COL4A2: variants seen among roughly 807,000 people sequenced by gnomAD.
COL4A2 encodes the protein collagen alpha-2(IV) chain.
In COL4A2, 99 loss-of-function variants were observed where a neutral mutation model predicts 200.2. The observed-to-expected ratio is 0.49, with a 90% CI of 0.42 to 0.58. The LOEUF (loss-of-function observed/expected upper bound fraction) is 0.58. COL4A2 is among the 20% of genes least tolerant of loss of function. The probability of loss-of-function intolerance (pLI) is 0.00; values close to 1 mark genes in which losing one functional copy is unlikely to be tolerated. For synonymous variants in COL4A2, 897 were observed against 900.6 expected, an observed-to-expected ratio of 1.00 and a Z score of 0.07; for missense variants, 1,950 against 2,314.1, an observed-to-expected ratio of 0.84 and a Z score of 3.23.
At chr13:110,400,837 T>C (rs1409310666) in intron 4 of COL4A2, among the ~76,000 whole-genome samples, 1 of 152,216 alleles carries the variant, frequency 6.6e-6, no homozygotes, top group Non-Finnish European at 1.5e-5. Flanking sequence ...TTGACTACTT[T>C]GGCCAGCCTT....
At chr13:110,457,790 G>T in intron 21 of COL4A2, 1 of 483,718 alleles carries the variant, frequency 2.1e-6, no homozygotes, top group South Asian at 1.5e-5. Flanking sequence ...CAGCTCCAAG[G>T]CATTGTAACA....
chr13:110,450,557 C>T lies in COL4A2; in HGVS notation c.1339+103C>T, dbSNP rs140327709. 6.1e-4 allele frequency: 841 copies of T among 1,373,708 alleles called. 14 individuals carry two copies. In the East Asian group the frequency reaches 0.014, roughly 23 times the overall value. The allele number at this position is 1,373,708 out of a possible 1,614,324, so 85.1% of individuals were successfully genotyped here. On this transcript the variant is annotated intron_variant, in intron 20 of 47. Transcript: ENST00000360467. ...ATTCTCTGCTAAATGACTCTGGGAA[C>T]GAATCCAGTAGGCCAGTGATTAGGG...
chr13:110,363,046 G>C (rs1007800981), intron 4 of COL4A2, among the ~76,000 whole-genome samples: 2 of 152,184 alleles, frequency 1.3e-5, no homozygotes, highest in African/African-American at 2.4e-5. Context: ...CCAGAAACTG[G>C]TAAATATGAA....
Position 110,308,091 on chromosome 13 carries a change from A to G in COL4A2, c.67A>G (p.Thr23Ala), listed in dbSNP as rs1043009281. 1 of 1,613,754 alleles carries G rather than the reference A, an allele frequency of 6.2e-7. No homozygotes were observed. The highest frequency in any genetic ancestry group is 1.3e-5 in the African/African-American group (1 of 75,006). ...LRRWLLLGTV[T>A]VGFLAQSVLA... Reference sequence around the variant, plus strand: ...CAGGTGGCTGCTGCTGGGGACAGTGACCGTGGGGTTCCTCGCCCAGAGCGT... The same window carrying G: ...CAGGTGGCTGCTGCTGGGGACAGTGGCCGTGGGGTTCCTCGCCCAGAGCGT... Residue 23 changes from threonine (T) to alanine (A), a missense_variant, in exon 3 of 48, where the codon ACC (threonine) becomes GCC (alanine). Physicochemically the swap from Thr to Ala is moderately conservative, Grantham distance 58. This residue lies in a region of COL4A2 where 565 missense variants were observed against 593.5 expected (regional missense o/e 0.95). Transcript: ENST00000360467.
At chr13:110,403,121 C>T (rs929365802) in intron 4 of COL4A2, among the ~76,000 whole-genome samples, 1 of 152,188 alleles carries the variant, frequency 6.6e-6, no homozygotes, top group Non-Finnish European at 1.5e-5. Context: ...TGATTAGCAG[C>T]ATCTGGCTTC....
At chr13:110,402,751 G>A (rs1384488461) in intron 4 of COL4A2, among the ~76,000 whole-genome samples, 1 of 152,234 alleles carries the variant, frequency 6.6e-6, no homozygotes, top group Non-Finnish European at 1.5e-5. Context: ...GCCCTTGTGG[G>A]GCCTCTGTTG....
chr13:110,409,865 T>G (rs1879761130), intron 4 of COL4A2, among the ~76,000 whole-genome samples: 1 of 152,136 alleles, frequency 6.6e-6, no homozygotes, highest in African/African-American at 2.4e-5. Flanking sequence ...GTGCAGGATG[T>G]CCAGATAGCA....
chr13:110,438,047 G>A lies in COL4A2; in HGVS notation c.861+10G>A. 6.2e-7 allele frequency: 1 copy of A among 1,612,436 alleles called. No individual in the cohort carries two copies. Among genetic ancestry groups the A allele is most frequent in the Non-Finnish European group, 8.5e-7 (1 of 1,178,684 alleles). ...GGAACCAGGAATAAGAGTAAGTCGAGTAATGAGCATGCCCCCTCCCCTGTG... is the reference window on the plus strand; with the variant it reads ...GGAACCAGGAATAAGAGTAAGTCGAATAATGAGCATGCCCCCTCCCCTGTG... On this transcript the variant is annotated intron_variant, in intron 14 of 47. Transcript: ENST00000360467.
intron 4 of COL4A2, among the ~76,000 whole-genome samples, chr13:110,406,537 TC>T (rs1236133725): frequency 6.6e-6 from 1 of 152,156 alleles, no homozygotes; most frequent in African/African-American, 2.4e-5. Context: ...CTAGAGCACA[TC>T]CCAGGAGAAG....
intron 3 of COL4A2, chr13:110,341,076 A>G (rs1876429810): frequency 6.6e-6 from 1 of 152,436 alleles, no homozygotes; most frequent in Non-Finnish European, 1.5e-5. Context: ...TGGGGGTGAC[A>G]GGAAGCACTG....
intron 21 of COL4A2, among the ~76,000 whole-genome samples, chr13:110,458,491 T>A (rs1197994944): frequency 6.6e-6 from 1 of 152,210 alleles, no homozygotes; most frequent in Admixed American, 6.5e-5. Flanking sequence ...TCCCCGCAAC[T>A]CAACCTATGC....
chr13:110,364,568 C>T lies in COL4A2; in HGVS notation c.180+7016C>T, dbSNP rs540070503. ...CCACTTCAAGAGAATGGTTAAATCT[C>T]GCTGGAAAGAAAGAGCCACATTATG... On this transcript the variant is annotated intron_variant, in intron 4 of 47. Coordinates refer to ENST00000360467, the MANE Select transcript of COL4A2 (RefSeq NM_001846.4). Among the ~76,000 whole-genome samples, 3 of 152,282 alleles carry T rather than the reference C, an allele frequency of 2.0e-5. No individual in the cohort carries two copies. In the South Asian group the frequency reaches 6.2e-4, roughly 32 times the overall value.
intron 4 of COL4A2, among the ~76,000 whole-genome samples, chr13:110,406,633 C>CT (rs11378330): frequency 0.58 from 87,063 of 149,562 alleles, 25,843 homozygotes; most frequent in Non-Finnish European, 0.66. Context: ...TAGTGGGACT[C>CT]TTTTTTTTTT....
At chr13:110,322,296 A>G (rs1006369449) in intron 3 of COL4A2, among the ~76,000 whole-genome samples, 1 of 152,044 alleles carries the variant, frequency 6.6e-6, no homozygotes, top group South Asian at 2.1e-4. Context: ...GTAAACGTTC[A>G]CCACTCTCCC....
rs141636204 is a variant in COL4A2 at position 110,318,742 on chromosome 13, A to G, written c.99+10619A>G. Reference sequence around the variant, plus strand: ...GAAATTGGCTGTAGAGAGTTTAGCAATCTTAGCATTGCGGTGCTTGATCAA... The same window carrying G: ...GAAATTGGCTGTAGAGAGTTTAGCAGTCTTAGCATTGCGGTGCTTGATCAA... On this transcript the variant is annotated intron_variant, in intron 3 of 47. Coordinates refer to ENST00000360467, the MANE Select transcript of COL4A2 (RefSeq NM_001846.4). Among the ~76,000 whole-genome samples the G allele has an allele frequency of 2.6e-5, 4 of 152,308 alleles. No homozygotes were observed. In the East Asian group the frequency reaches 7.7e-4, roughly 29 times the overall value.
rs114671396 is a variant in COL4A2 at position 110,347,593 on chromosome 13, T to G, written c.100-9879T>G. On this transcript the variant is annotated intron_variant, in intron 3 of 47. Coordinates refer to ENST00000360467, the MANE Select transcript of COL4A2 (RefSeq NM_001846.4). ...TGTCATTCAGCCTGCTTTAAATGTCTCAGGATGACTAATGTCACTGGGATG... is the reference window on the plus strand; with the variant it reads ...TGTCATTCAGCCTGCTTTAAATGTCGCAGGATGACTAATGTCACTGGGATG... Among the ~76,000 whole-genome samples, 1,123 of 152,376 alleles carry G rather than the reference T, an allele frequency of 7.4e-3. 16 individuals carry two copies. Among genetic ancestry groups the G allele is most frequent in the African/African-American group, 0.025 (1,052 of 41,598 alleles).
At chr13:110,511,235 GA>G (rs11403645) in intron 47 of COL4A2, among the ~76,000 whole-genome samples, 14,198 of 128,248 alleles carry the variant, frequency 0.11, 872 homozygotes, top group East Asian at 0.28. Context: ...ACTTTAAAAT[GA>G]AAAAAAAAAA....
intron 4 of COL4A2, among the ~76,000 whole-genome samples, chr13:110,369,610 A>G (rs1204860336): frequency 6.6e-6 from 1 of 152,234 alleles, no homozygotes; most frequent in East Asian, 1.9e-4. Context: ...GTAGCACTCA[A>G]CAGGTGGCAC....
In COL4A2 at chr13:110,493,078, CATGGGTGAAATA is replaced by C. The variant is rs1359673307; in HGVS notation, c.3563-131_3563-120del. On this transcript the variant is annotated intron_variant, in intron 38 of 47. Transcript: ENST00000360467. ...GTGAAATAACGATGAGTGACACCCC[CATGGGTGAAATA>C]ACGATGAGTGACACCCCCATGGGTG... The C allele has an allele frequency of 2.0e-4, 172 of 876,734 alleles. 3 individuals carry two copies. Among genetic ancestry groups the C allele is most frequent in the African/African-American group, 9.5e-4 (36 of 38,022 alleles). 54.3% of individuals were successfully genotyped at this position (876,734 alleles called of 1,614,324 possible). A position where few individuals can be genotyped will look rare whatever the true frequency, so the allele number is the denominator to read the frequency against.
Sources: gnomAD v4.1 joint callset for allele counts (sites outside exome capture counted in the v4.1 genomes callset) on GRCh38, gnomAD v4.1.1 for gene constraint, gnomAD v4.1.1 regional missense constraint, MANE v1.5 for transcripts, NCBI Gene and HGNC (gene_info 2026-07-23, HGNC 2026-07-21) for gene names.